The following BMP2K variants were observed in gnomAD, a reference collection of about 807,000 sequenced individuals.
BMP2K encodes the protein BMP2 inducible kinase, also known as BMP-2-inducible protein kinase.
In BMP2K, 74 loss-of-function variants were observed where a neutral mutation model predicts 116.0. That is an observed-to-expected ratio of 0.64 (90% CI 0.53 to 0.77). The LOEUF is 0.77. Among genes scored for constraint, BMP2K ranks in the 30% least tolerant of loss-of-function variants. The probability of loss-of-function intolerance (pLI) is 0.00; values close to 1 mark genes in which losing one functional copy is unlikely to be tolerated. For missense variants in BMP2K, 1,365 were observed against 1,403.6 expected (o/e 0.97, Z 0.44); for synonymous variants, 486 against 502.5 (o/e 0.97, Z 0.44).
chr4:78,836,708 A>G (rs1357995347), intron 3 of BMP2K, among the ~76,000 whole-genome samples: 1 of 152,196 alleles, frequency 6.6e-6, no homozygotes, highest in Non-Finnish European at 1.5e-5. Flanking sequence ...AACCTTGCAT[A>G]TATAAACATA....
intron 15 of BMP2K, among the ~76,000 whole-genome samples, chr4:78,890,484 T>A (rs972628483): frequency 6.6e-6 from 1 of 152,124 alleles, no homozygotes; most frequent in African/African-American, 2.4e-5. Flanking sequence ...GATTCAGTGT[T>A]CAGTGTCTAC....
chr4:78,839,173 G>A (rs1730633995), intron 3 of BMP2K, among the ~76,000 whole-genome samples: 1 of 152,176 alleles, frequency 6.6e-6, no homozygotes, highest in Admixed American at 6.5e-5. Context: ...TGGTTGGGTG[G>A]CACTGCAGAT....
Position 78,823,614 on chromosome 4 carries a change from GTA to G in BMP2K, c.179-2410_179-2409del, listed in dbSNP as rs765278568. On this transcript the variant is annotated intron_variant, in intron 1 of 15. Coordinates refer to ENST00000502613, the MANE Select transcript of BMP2K (RefSeq NM_198892.2). ...TATATATGTAGGTATATATATAGGT[GTA>G]TATATATATATAGTTATATAGTTAT... Among the ~76,000 whole-genome samples, 1,402 of 146,246 alleles carry G rather than the reference GTA, an allele frequency of 9.6e-3. 21 individuals are homozygous for G. Among genetic ancestry groups the G allele is most frequent in the African/African-American group, 0.033 (1,322 of 40,072 alleles).
intron 1 of BMP2K, among the ~76,000 whole-genome samples, chr4:78,820,357 A>T (rs1004231883): frequency 6.6e-6 from 1 of 151,996 alleles, no homozygotes; most frequent in African/African-American, 2.4e-5. Flanking sequence ...TGTTATCTTG[A>T]GCCTTCTGAA....
chr4:78,787,422 G>A (rs2109926628), intron 1 of BMP2K, among the ~76,000 whole-genome samples: 1 of 152,290 alleles, frequency 6.6e-6, no homozygotes, highest in East Asian at 1.9e-4. Flanking sequence ...TGCATTGCTT[G>A]TATTTGATGT....
chr4:78,841,602 C>G (rs1268631550), intron 3 of BMP2K, among the ~76,000 whole-genome samples: 1 of 152,086 alleles, frequency 6.6e-6, no homozygotes, highest in Non-Finnish European at 1.5e-5. Flanking sequence ...GAGGAAGTTT[C>G]TTTGGCTCTT....
At chr4:78,875,066 A>G (rs1732568522) in intron 13 of BMP2K, among the ~76,000 whole-genome samples, 1 of 152,210 alleles carries the variant, frequency 6.6e-6, no homozygotes, top group Non-Finnish European at 1.5e-5. Flanking sequence ...CTCAGCCACT[A>G]AAGGTTAGAA....
chr4:78,841,049 G>A (rs1293223400), intron 3 of BMP2K, among the ~76,000 whole-genome samples: 1 of 152,158 alleles, frequency 6.6e-6, no homozygotes, highest in Non-Finnish European at 1.5e-5. Context: ...AGGTGCCCCA[G>A]TCTTGTGAGA....
In BMP2K at chr4:78,833,614, C is replaced by G. The variant is rs776647701; in HGVS notation, c.330C>G (p.Gly110=). 1.9e-6 allele frequency: 3 copies of G among 1,598,370 alleles called. No individual in the cohort carries two copies. The African/African-American group carries it at 4.1e-5, about 22-fold the overall frequency. The change falls in exon 3 of 16, where the codon GGC becomes GGG. Residue 110 remains glycine (G), a synonymous_variant. Coordinates refer to ENST00000502613, the MANE Select transcript of BMP2K (RefSeq NM_198892.2). ...KELSGHKNIV[G]YLDCAVNSIS... ...TATCTGGTCACAAAAATATTGTGGG[C>G]TATTTGGACTGTGCTGTTAATTCAA...
chr4:78,830,114 C>A (rs969781842), intron 2 of BMP2K, among the ~76,000 whole-genome samples: 2 of 152,070 alleles, frequency 1.3e-5, no homozygotes, highest in African/African-American at 4.8e-5. Flanking sequence ...TGAGCTTAAG[C>A]TATCTGCCCC....
intron 9 of BMP2K, among the ~76,000 whole-genome samples, chr4:78,862,390 G>A (rs1239386626): frequency 1.3e-5 from 2 of 151,966 alleles, no homozygotes; most frequent in African/African-American, 2.4e-5. Flanking sequence ...CTTTCCCTGC[G>A]GATGGGAGTT....
At chr4:78,809,279 CCTTT>C (rs1443072090) in intron 1 of BMP2K, among the ~76,000 whole-genome samples, 3 of 151,796 alleles carry the variant, frequency 2.0e-5, no homozygotes, top group African/African-American at 7.3e-5. Flanking sequence ...CTACTCTAGC[CCTTT>C]CTTTGGTTAT....
At chr4:78,802,110 A>T (rs1002857554) in intron 1 of BMP2K, among the ~76,000 whole-genome samples, 1 of 152,210 alleles carries the variant, frequency 6.6e-6, no homozygotes, top group African/African-American at 2.4e-5. Context: ...CTCTGCAGAT[A>T]GTTATTTTCT....
At chr4:78,885,829 C>T in intron 14 of BMP2K, among the ~76,000 whole-genome samples, 1 of 152,140 alleles carries the variant, frequency 6.6e-6, no homozygotes, top group Admixed American at 6.6e-5. Context: ...AGGAAGTTCT[C>T]AACTAGTATG....
intron 10 of BMP2K, among the ~76,000 whole-genome samples, chr4:78,869,820 A>G (rs1207898729): frequency 6.6e-6 from 1 of 152,192 alleles, no homozygotes; most frequent in African/African-American, 2.4e-5. Context: ...TTTCAAGGAT[A>G]ATTAAAATGA....
chr4:78,874,584 A>C (rs1027585091), intron 13 of BMP2K, among the ~76,000 whole-genome samples: 3 of 152,222 alleles, frequency 2.0e-5, no homozygotes, highest in African/African-American at 7.2e-5. Flanking sequence ...GTTGGAAAAT[A>C]GAAAAGATAT....
intron 15 of BMP2K, among the ~76,000 whole-genome samples, chr4:78,900,833 A>G (rs1733961368): frequency 6.6e-6 from 1 of 152,244 alleles, no homozygotes. Flanking sequence ...AATTGTATCA[A>G]TAATCTGTTT....
chr4:78,890,715 T>A (rs1055688929), intron 15 of BMP2K, among the ~76,000 whole-genome samples: 5 of 152,198 alleles, frequency 3.3e-5, no homozygotes, highest in Non-Finnish European at 7.3e-5. Flanking sequence ...CTTCATTACA[T>A]CTCTCATGGA....
intron 1 of BMP2K, among the ~76,000 whole-genome samples, chr4:78,797,662 A>G (rs1466288730): frequency 1.3e-5 from 2 of 152,172 alleles, no homozygotes; most frequent in Admixed American, 1.3e-4. Context: ...TTAAGTTTTA[A>G]AAGTTTCTCT....
Sources: gnomAD v4.1 joint callset for allele counts (sites outside exome capture counted in the v4.1 genomes callset) on GRCh38, gnomAD v4.1.1 for gene constraint, MANE v1.5 for transcripts, NCBI Gene and HGNC (gene_info 2026-07-23, HGNC 2026-07-21) for gene names.